WDR25: variants seen among roughly 807,000 people sequenced by gnomAD.
WDR25 encodes the protein WD repeat-containing protein 25.
Under a neutral mutation model 47.7 loss-of-function variants are expected in WDR25, and 35 were observed. The observed-to-expected ratio is 0.73, with a 90% CI of 0.56 to 0.97. WDR25 has a LOEUF of 0.97. WDR25 is among the 50% of genes least tolerant of loss of function. The probability of loss-of-function intolerance (pLI) is 0.00; values close to 1 mark genes in which losing one functional copy is unlikely to be tolerated. For synonymous variants in WDR25, 248 were observed against 278.9 expected (o/e 0.89, Z 1.10); for missense variants, 634 against 704.7 (o/e 0.90, Z 1.14).
intron 4 of WDR25, among the ~76,000 whole-genome samples, chr14:100,497,710 C>A (rs1900780425): frequency 6.6e-6 from 1 of 152,090 alleles, no homozygotes; most frequent in African/African-American, 2.4e-5. Context: ...ACATATTTTT[C>A]TTTTTCCCTT....
At chr14:100,472,862 C>T (rs1159115520) in intron 3 of WDR25, among the ~76,000 whole-genome samples, 1 of 152,242 alleles carries the variant, frequency 6.6e-6, no homozygotes, top group African/African-American at 2.4e-5. Context: ...CCCAGGCACT[C>T]ATGGCTGCAG....
intron 4 of WDR25, among the ~76,000 whole-genome samples, chr14:100,491,588 C>T (rs1566935494): frequency 1.3e-5 from 2 of 152,216 alleles, no homozygotes; most frequent in South Asian, 4.1e-4. Context: ...CGTCGAGGTT[C>T]GTGTAAGCGC....
rs75702350 is a variant in WDR25 at position 100,380,808 on chromosome 14, T to C, written c.-15-102T>C. On this transcript the variant is annotated intron_variant, in intron 1 of 6. Coordinates refer to ENST00000402312, the MANE Select transcript of WDR25 (RefSeq NM_001161476.3). ...CACGCCTGGCCTGTGTTTATTCTTA[T>C]GAGTGTTGAGTTATTGGATTTCCTA... 9.4e-4 allele frequency: 1,047 copies of C among 1,115,612 alleles called. 18 individuals are homozygous for C. In the East Asian group the frequency reaches 0.025, roughly 26 times the overall value. 69.1% of individuals were successfully genotyped at this position (1,115,612 alleles called of 1,614,324 possible).
chr14:100,505,225 C>G (rs1901072070), intron 4 of WDR25, among the ~76,000 whole-genome samples: 1 of 152,224 alleles, frequency 6.6e-6, no homozygotes, highest in African/African-American at 2.4e-5. Context: ...TACATTTATT[C>G]AGGGCTATGG....
At position 100,502,598 on chromosome 14, in the gene WDR25, G is replaced by A. The variant is rs952941180; in HGVS notation, c.1101+18474G>A. Among the ~76,000 whole-genome samples the A allele has an allele frequency of 1.3e-5, 2 of 152,200 alleles. No homozygotes were observed. The highest frequency in any genetic ancestry group is 4.8e-5 in the African/African-American group (2 of 41,452). Reference sequence around the variant, plus strand: ...AGAGTTCTTCATTAGGGGTCCTATAGACACTTGCTGAATTAACCACTGCAT... The same window carrying A: ...AGAGTTCTTCATTAGGGGTCCTATAAACACTTGCTGAATTAACCACTGCAT... On this transcript the variant is annotated intron_variant, in intron 4 of 6. Coordinates refer to ENST00000402312, the MANE Select transcript of WDR25 (RefSeq NM_001161476.3). The surrounding 1 kb of genome is among the most constrained non-coding windows in gnomAD (Gnocchi z 4.5).
intron 2 of WDR25, among the ~76,000 whole-genome samples, chr14:100,446,550 CAAAAA>C (rs55946078): frequency 1.3e-4 from 10 of 75,010 alleles, no homozygotes; most frequent in Non-Finnish European, 1.4e-4. Flanking sequence ...GACTCCATCT[CAAAAA>C]AAAAAAAAAA....
chr14:100,477,890 G>A (rs1254433872), intron 3 of WDR25, among the ~76,000 whole-genome samples: 1 of 152,146 alleles, frequency 6.6e-6, no homozygotes, highest in East Asian at 1.9e-4. Flanking sequence ...AGGAGATTGA[G>A]ACCATCCTGG....
intron 2 of WDR25, among the ~76,000 whole-genome samples, chr14:100,393,108 T>A (rs1326605114): frequency 2.0e-5 from 3 of 152,252 alleles, no homozygotes; most frequent in African/African-American, 7.2e-5. Context: ...TTATTTAGAC[T>A]AACACCAAAA....
Position 100,529,642 on chromosome 14 carries a change from C to T in WDR25, c.1414-178C>T, listed in dbSNP as rs534990000. The T allele has an allele frequency of 4.6e-5, 32 of 692,620 alleles. No individual in the cohort carries two copies. Among genetic ancestry groups the T allele is most frequent in the Middle Eastern group, 4.0e-4 (1 of 2,502 alleles). 42.9% of individuals were successfully genotyped at this position (692,620 alleles called of 1,614,324 possible). On this transcript the variant is annotated intron_variant, in intron 6 of 6. Transcript: ENST00000402312. This position sits in a 1 kb window ranked among gnomAD's most constrained non-coding sequence, Gnocchi z 5.1. ...CTGAACTGGCCTTGGGATGTGGGCC[C>T]GCATCAGGGCTCTACAGCCTCATGG... is the stretch of plus-strand genomic sequence containing the variant.
At chr14:100,398,747 A>G (rs1353717854) in intron 2 of WDR25, among the ~76,000 whole-genome samples, 1 of 148,204 alleles carries the variant, frequency 6.7e-6, no homozygotes, top group African/African-American at 2.5e-5. Flanking sequence ...AGCTCTTGCT[A>G]TTTAATAAGT....
rs1177169203 is a variant in WDR25, at chr14:100,428,548, C to T, written c.823-39473C>T. ...CTCTCTGCGTTCTTAGTGGAGGTGG[C>T]CCCTGTGGTGGTCCCTGTTGATGCC... On this transcript the variant is annotated intron_variant, in intron 2 of 6. Coordinates refer to ENST00000402312, the MANE Select transcript of WDR25 (RefSeq NM_001161476.3). The surrounding 1 kb of genome is among the most constrained non-coding windows in gnomAD (Gnocchi z 4.3). 1.3e-5 allele frequency among the ~76,000 whole-genome samples: 2 copies of T among 152,146 alleles called. No homozygotes were observed. The highest frequency in any genetic ancestry group is 4.8e-5 in the African/African-American group (2 of 41,428).
intron 2 of WDR25, among the ~76,000 whole-genome samples, chr14:100,399,486 TCTCC>T (rs1897328648): frequency 6.6e-6 from 1 of 152,110 alleles, no homozygotes; most frequent in Non-Finnish European, 1.5e-5. Flanking sequence ...CCTGGTCCTG[TCTCC>T]GCCTGCCTTT....
At chr14:100,403,219 TC>T (rs1897432165) in intron 2 of WDR25, among the ~76,000 whole-genome samples, 1 of 152,210 alleles carries the variant, frequency 6.6e-6, no homozygotes, top group South Asian at 2.1e-4. Flanking sequence ...TGAGTCGTGC[TC>T]CCATGCTCTG....
intron 2 of WDR25, among the ~76,000 whole-genome samples, chr14:100,397,933 G>T (rs1897295834): frequency 6.6e-6 from 1 of 152,224 alleles, no homozygotes; most frequent in Non-Finnish European, 1.5e-5. Context: ...CTGCCTCGCA[G>T]GCTCAAGCAA....
At chr14:100,418,186 C>G (rs1033442322) in intron 2 of WDR25, among the ~76,000 whole-genome samples, 2 of 151,412 alleles carry the variant, frequency 1.3e-5, no homozygotes, top group Non-Finnish European at 2.9e-5. Flanking sequence ...GTGATCCACA[C>G]CCCCCACTCA....
At chr14:100,408,303 T>G (rs1203921775) in intron 2 of WDR25, among the ~76,000 whole-genome samples, 1 of 152,208 alleles carries the variant, frequency 6.6e-6, no homozygotes, top group Non-Finnish European at 1.5e-5. Flanking sequence ...TCACTGTAGA[T>G]TCCCACAATT....
intron 2 of WDR25, among the ~76,000 whole-genome samples, chr14:100,405,293 C>T (rs1897501871): frequency 6.6e-6 from 1 of 152,060 alleles, no homozygotes; most frequent in Admixed American, 6.5e-5. Flanking sequence ...TCCTGAGTAG[C>T]TGGGATTACA....
At position 100,488,240 on chromosome 14, in the gene WDR25, C is replaced by T. The variant is rs1021492255; in HGVS notation, c.1101+4116C>T. On this transcript the variant is annotated intron_variant, in intron 4 of 6. Transcript: ENST00000402312. This position sits in a 1 kb window ranked among gnomAD's most constrained non-coding sequence, Gnocchi z 4.2. ...ATGTGTTCTGCACAAGCCAGCTGTG[C>T]GTACTTACTTGAAACTGGCTTCCTG... Among the ~76,000 whole-genome samples, 5 of 152,142 alleles carry T rather than the reference C, an allele frequency of 3.3e-5. No individual in the cohort carries two copies. Among genetic ancestry groups the T allele is most frequent in the East Asian group, 1.9e-4 (1 of 5,176 alleles).
intron 2 of WDR25, among the ~76,000 whole-genome samples, chr14:100,400,335 G>A (rs745619270): frequency 1.3e-5 from 2 of 152,214 alleles, no homozygotes; most frequent in Non-Finnish European, 2.9e-5. Flanking sequence ...GAGGGCTGTT[G>A]GCGCCTGGTC....
Sources: gnomAD v4.1 joint callset for allele counts (sites outside exome capture counted in the v4.1 genomes callset) on GRCh38, gnomAD v4.1.1 for gene constraint, Gnocchi (gnomAD v3.1) non-coding constraint, MANE v1.5 for transcripts, NCBI Gene and HGNC (gene_info 2026-07-23, HGNC 2026-07-21) for gene names.